MRAP2: variants seen among roughly 807,000 people sequenced by gnomAD.
MRAP2 encodes the protein melanocortin-2 receptor accessory protein 2.
Under a neutral mutation model 17.4 loss-of-function variants are expected in MRAP2, and 20 were observed. That is an observed-to-expected ratio of 1.15 (90% confidence interval 0.81 to 1.67). The LOEUF (loss-of-function observed/expected upper bound fraction) is 1.67. Among genes scored for constraint, MRAP2 ranks in the 40% most tolerant of loss-of-function variants. The pLI, the probability that MRAP2 is intolerant of heterozygous loss-of-function variation, is 0.00. For synonymous variants in MRAP2, 96 were observed against 88.4 expected, an observed-to-expected ratio of 1.09 and a Z score of -0.48; for missense variants, 238 against 240.0, an observed-to-expected ratio of 0.99 and a Z score of 0.05.
chr6:84,035,416 C>A, intron 1 of MRAP2: 1 of 984,728 alleles, frequency 1.0e-6, no homozygotes, highest in South Asian at 4.7e-5. Context: ...CCTTTTCTAG[C>A]AATCTACTGG....
intron 2 of MRAP2, among the ~76,000 whole-genome samples, chr6:84,058,354 G>A (rs1411942356): frequency 6.6e-6 from 1 of 152,334 alleles, no homozygotes; most frequent in South Asian, 2.1e-4. Context: ...TTTGTCAATG[G>A]ATTGGCGGTA....
At chr6:84,132,738 A>C in the MRAP2 span, among the ~76,000 whole-genome samples, 10 of 152,220 alleles carry the variant, frequency 6.6e-5, no homozygotes, top group African/African-American at 2.4e-4. Context: ...TTAGCTAGCC[A>C]TTCGTCTACT....
intron 3 of MRAP2, 107 bp downstream of exon 3, chr6:84,063,099 G>T (rs530963224): frequency 1.3e-6 from 2 of 1,545,744 alleles, no homozygotes; most frequent in South Asian, 1.2e-5. Flanking sequence ...AGAGAAGGGG[G>T]TGGTTATAGA....
chr6:84,139,291 A>G, the MRAP2 span, among the ~76,000 whole-genome samples: 1 of 152,186 alleles, frequency 6.6e-6, no homozygotes, highest in South Asian at 2.1e-4. Context: ...TGTAGCCTAA[A>G]AACGACTTTC....
Position 84,089,633 on chromosome 6 carries a change from G to T in MRAP2, c.*152G>T. ...AGAGAAGAGACCCCTTTAGAAGAGAGCTGAGCTGATTAAGCTGAGTGGTTT... is the reference window on the plus strand; with the variant it reads ...AGAGAAGAGACCCCTTTAGAAGAGATCTGAGCTGATTAAGCTGAGTGGTTT... On this transcript the variant is annotated 3_prime_UTR_variant, in exon 4 of 4. Transcript: ENST00000257776. The T allele has an allele frequency of 1.1e-6, 1 of 886,376 alleles. No individual in the cohort carries two copies. The allele number at this position is 886,376 out of a possible 1,614,324, so 54.9% of individuals were successfully genotyped here. A position where few individuals can be genotyped will look rare whatever the true frequency, so the allele number is the denominator to read the frequency against.
downstream of MRAP2, among the ~76,000 whole-genome samples, chr6:84,093,237 A>G (rs768131771): frequency 3.3e-5 from 5 of 150,364 alleles, no homozygotes; most frequent in Non-Finnish European, 7.4e-5. Flanking sequence ...CATAGGAGCA[A>G]AGAGAAAGAG....
chr6:84,084,675 G>T (rs1022718908), intron 3 of MRAP2, among the ~76,000 whole-genome samples: 5 of 151,998 alleles, frequency 3.3e-5, no homozygotes, highest in Admixed American at 3.3e-4. Context: ...AGAGAGCCTA[G>T]AAGGCTCTAT....
chr6:84,055,477 T>G (rs750502288), intron 2 of MRAP2, 32 bp downstream of exon 2: 2 of 1,599,850 alleles, frequency 1.3e-6, no homozygotes, highest in African/African-American at 2.7e-5. Flanking sequence ...ATTGAAAGCA[T>G]AATTGTATTT....
At chr6:84,109,265 T>C in the MRAP2 span, among the ~76,000 whole-genome samples, 1 of 152,230 alleles carries the variant, frequency 6.6e-6, no homozygotes, top group Non-Finnish European at 1.5e-5. Flanking sequence ...CTTTGGGCAG[T>C]ATGACTATAT....
the MRAP2 span, among the ~76,000 whole-genome samples, chr6:84,134,830 GATAA>G: frequency 6.6e-6 from 1 of 151,178 alleles, no homozygotes. Flanking sequence ...TTAAACTTTT[GATAA>G]ATAATTATAT....
the MRAP2 span, among the ~76,000 whole-genome samples, chr6:84,139,168 C>T: frequency 6.6e-6 from 1 of 152,152 alleles, no homozygotes; most frequent in Admixed American, 6.5e-5. Context: ...AATACATTTT[C>T]CTTTAGTGAA....
chr6:84,129,899 A>C, the MRAP2 span, among the ~76,000 whole-genome samples: 1 of 151,984 alleles, frequency 6.6e-6, no homozygotes, highest in African/African-American at 2.4e-5. Context: ...TACTAAGTTG[A>C]ATTGAATAGG....
the MRAP2 span, among the ~76,000 whole-genome samples, chr6:84,123,398 A>G: frequency 6.6e-6 from 1 of 152,124 alleles, no homozygotes; most frequent in African/African-American, 2.4e-5. Flanking sequence ...AATGGAACGG[A>G]ATAGAGAACT....
chr6:84,074,071 T>TAAAGATGAGTCACTGTGTGAGCTG (rs2099496970), intron 3 of MRAP2, among the ~76,000 whole-genome samples: 1 of 152,072 alleles, frequency 6.6e-6, no homozygotes, highest in African/African-American at 2.4e-5. Flanking sequence ...CATCCCTCAG[T>TAAAGATGAGTCACTGTGTGAGCTG]AAAGATGAGT....
intron 2 of MRAP2, among the ~76,000 whole-genome samples, chr6:84,055,724 A>G (rs1447730963): frequency 6.6e-6 from 1 of 152,204 alleles, no homozygotes; most frequent in Non-Finnish European, 1.5e-5. Flanking sequence ...TTTAAAAAGC[A>G]TTTGCTTTTT....
intron 3 of MRAP2, among the ~76,000 whole-genome samples, chr6:84,087,583 G>T (rs2099500813): frequency 6.6e-6 from 1 of 152,204 alleles, no homozygotes; most frequent in South Asian, 2.1e-4. Flanking sequence ...AAACCTGAGA[G>T]AAATGACAGT....
At chr6:84,109,172 T>C in the MRAP2 span, among the ~76,000 whole-genome samples, 1 of 152,188 alleles carries the variant, frequency 6.6e-6, no homozygotes, top group Non-Finnish European at 1.5e-5. Flanking sequence ...TTTGATTCCA[T>C]AGGCAATTTA....
the MRAP2 span, among the ~76,000 whole-genome samples, chr6:84,138,163 G>A: frequency 1.3e-5 from 2 of 152,170 alleles, no homozygotes; most frequent in South Asian, 4.1e-4. Context: ...CATCTGTGGC[G>A]ATGTATAGTG....
the MRAP2 span, among the ~76,000 whole-genome samples, chr6:84,101,942 C>G: frequency 6.6e-6 from 1 of 151,894 alleles, no homozygotes; most frequent in Non-Finnish European, 1.5e-5. Flanking sequence ...CTGGAATATC[C>G]CAGGGAATTA....
Sources: gnomAD v4.1 joint callset for allele counts (sites outside exome capture counted in the v4.1 genomes callset) on GRCh38, gnomAD v4.1.1 for gene constraint, MANE v1.5 for transcripts, NCBI Gene and HGNC (gene_info 2026-07-23, HGNC 2026-07-21) for gene names.